The following EIF4G3 variants were observed in gnomAD, a reference collection of about 807,000 sequenced individuals.
The protein encoded by EIF4G3 is eIF-4-gamma 3.
Under a neutral mutation model 186.4 loss-of-function variants are expected in EIF4G3, and 34 were observed. That is an observed-to-expected ratio of 0.18 (90% CI 0.14 to 0.24). The LOEUF (loss-of-function observed/expected upper bound fraction) is 0.24. Ranked by LOEUF, EIF4G3 falls within the 10% of genes least tolerant of loss-of-function variation. The probability of loss-of-function intolerance (pLI) is 1.00; values close to 1 mark genes in which losing one functional copy is unlikely to be tolerated. For synonymous variants in EIF4G3, 673 were observed against 679.5 expected (o/e 0.99, Z 0.15); for missense variants, 1,536 against 1,948.5 (o/e 0.79, Z 3.99).
chr1:20,981,492 ACATG>A (rs879661796), intron 8 of EIF4G3, among the ~76,000 whole-genome samples: 43,148 of 148,176 alleles, frequency 0.29, 9,124 homozygotes, highest in Non-Finnish European at 0.38. Context: ...ATGCATACAT[ACATG>A]TATACGCACA....
chr1:21,035,811 C>T (rs1378224112), intron 4 of EIF4G3, among the ~76,000 whole-genome samples: 3 of 152,184 alleles, frequency 2.0e-5, no homozygotes, highest in African/African-American at 7.2e-5. Context: ...CAGGGAGGTT[C>T]TGAAGGCTAG....
chr1:20,913,443 C>G (rs1332249875), intron 14 of EIF4G3, among the ~76,000 whole-genome samples: 3 of 152,098 alleles, frequency 2.0e-5, no homozygotes, highest in Non-Finnish European at 2.9e-5. Flanking sequence ...GAGGCTGAGG[C>G]AGGAGGATTG....
At chr1:20,939,116 T>TAAAAA (rs3051247) in intron 14 of EIF4G3, among the ~76,000 whole-genome samples, 3 of 129,718 alleles carry the variant, frequency 2.3e-5, no homozygotes, top group Non-Finnish European at 3.1e-5. Context: ...TAAAAAAAAT[T>TAAAAA]AAAAAAAAAA....
chr1:20,892,792 T>C lies in EIF4G3; in HGVS notation c.2253+725A>G, dbSNP rs1010528120. The C allele has an allele frequency of 6.8e-5, 77 of 1,139,612 alleles. 1 individual carries two copies. The East Asian group carries it at 1.9e-3, about 28-fold the overall frequency. The allele number at this position is 1,139,612 out of a possible 1,614,324, so 70.6% of individuals were successfully genotyped here. On this transcript the variant is annotated intron_variant, in intron 18 of 36. Transcript: ENST00000602326. ...ATGTCATCAGAGATCTCCAGTATTT[T>C]AGGACACCTCAAAACAAAACAGGAA...
intron 4 of EIF4G3, among the ~76,000 whole-genome samples, chr1:21,041,293 G>A (rs923932056): frequency 2.6e-5 from 4 of 151,898 alleles, no homozygotes; most frequent in African/African-American, 9.7e-5. Context: ...TCACTATGTT[G>A]CCCAGGCTCA....
At chr1:20,859,542 C>T (rs770346179) in intron 24 of EIF4G3, among the ~76,000 whole-genome samples, 6 of 152,162 alleles carry the variant, frequency 3.9e-5, no homozygotes, top group East Asian at 1.9e-4. Flanking sequence ...AATGGACTAT[C>T]GTCTCAGGTT....
At chr1:20,851,837 G>C (rs1006802320) in intron 27 of EIF4G3, among the ~76,000 whole-genome samples, 15 of 152,160 alleles carry the variant, frequency 9.9e-5, no homozygotes, top group Middle Eastern at 3.4e-3. Context: ...GGCCAACATG[G>C]TGAAACTGTG....
At chr1:20,928,900 C>G (rs1257946182) in intron 14 of EIF4G3, among the ~76,000 whole-genome samples, 1 of 152,124 alleles carries the variant, frequency 6.6e-6, no homozygotes. Context: ...TCTCTTCTCT[C>G]CCCAACCCCT....
At chr1:21,036,938 A>G (rs1464238796) in intron 4 of EIF4G3, among the ~76,000 whole-genome samples, 2 of 152,208 alleles carry the variant, frequency 1.3e-5, no homozygotes, top group Non-Finnish European at 2.9e-5. Flanking sequence ...TATTCATACT[A>G]AACAATGAGA....
chr1:20,847,803 C>T (rs1459274811), intron 29 of EIF4G3: 1 of 471,754 alleles, frequency 2.1e-6, no homozygotes, highest in Non-Finnish European at 4.4e-6. Flanking sequence ...GCAAAGCACT[C>T]ACCTCCACCT....
chr1:21,158,668 C>CT (rs1418611093), intron 2 of EIF4G3, among the ~76,000 whole-genome samples: 1 of 152,032 alleles, frequency 6.6e-6, no homozygotes, highest in African/African-American at 2.4e-5. Context: ...CCCCCCTACT[C>CT]AAGAAGCTGA....
At chr1:20,981,019 G>A in intron 9 of EIF4G3, 29 bp downstream of exon 9, 1 of 1,472,188 alleles carries the variant, frequency 6.8e-7, no homozygotes, top group East Asian at 2.4e-5. Flanking sequence ...CTCTATTGCT[G>A]GACCACCTAG....
chr1:20,811,666 A>C (rs1242188682), intron 35 of EIF4G3, among the ~76,000 whole-genome samples: 2 of 152,244 alleles, frequency 1.3e-5, no homozygotes, highest in Non-Finnish European at 2.9e-5. Flanking sequence ...AAGCAAAATT[A>C]ATCAAATGTC....
chr1:21,020,608 G>C (rs2090453546), intron 4 of EIF4G3, among the ~76,000 whole-genome samples: 1 of 152,216 alleles, frequency 6.6e-6, no homozygotes, highest in East Asian at 1.9e-4. Flanking sequence ...TTCAAACGAT[G>C]TCCAAGTCAG....
intron 4 of EIF4G3, among the ~76,000 whole-genome samples, chr1:21,016,716 G>A (rs1426713942): frequency 6.6e-6 from 1 of 151,926 alleles, no homozygotes; most frequent in Non-Finnish European, 1.5e-5. Context: ...CCAGCACTCT[G>A]GGAGCCCGAG....
chr1:21,151,236 C>CTTTTTTTTTT (rs71014161), intron 2 of EIF4G3, among the ~76,000 whole-genome samples: 5,082 of 80,386 alleles, frequency 0.063, 263 homozygotes, highest in Non-Finnish European at 0.081. Context: ...GTATTTCTTT[C>CTTTTTTTTTT]TTTTTTTTTT....
intron 20 of EIF4G3, among the ~76,000 whole-genome samples, chr1:20,877,256 A>G (rs2081144182): frequency 6.6e-6 from 1 of 152,232 alleles, no homozygotes; most frequent in Non-Finnish European, 1.5e-5. Flanking sequence ...TGTCATGGCT[A>G]CCACAATGAA....
intron 14 of EIF4G3, among the ~76,000 whole-genome samples, chr1:20,919,668 T>C (rs1317342887): frequency 5.9e-5 from 9 of 152,196 alleles, no homozygotes; most frequent in Non-Finnish European, 1.2e-4. Context: ...CTTTAATATA[T>C]ATCATAAAGT....
intron 7 of EIF4G3, among the ~76,000 whole-genome samples, chr1:20,985,515 C>CAA (rs57715624): frequency 2.5e-4 from 26 of 102,186 alleles, no homozygotes; most frequent in African/African-American, 7.2e-4. Flanking sequence ...ACTAGAAATG[C>CAA]AAAAAAAAAA....
Sources: allele counts gnomAD v4.1 joint callset (sites outside exome capture counted in the v4.1 genomes callset), GRCh38; gene constraint gnomAD v4.1.1; transcripts MANE v1.5; gene names NCBI Gene and HGNC (gene_info 2026-07-23, HGNC 2026-07-21).